Variants in RP1L1 observed in about 807,000 individuals in gnomAD.
RP1L1 encodes the protein retinitis pigmentosa 1-like 1 protein.
Under a neutral mutation model 15.7 loss-of-function variants are expected in RP1L1, and 27 were observed. That is an observed-to-expected ratio of 1.72 (90% CI 1.27 to 2.38). RP1L1 has a LOEUF of 2.38. Among genes scored for constraint, RP1L1 ranks in the 30% most tolerant of loss-of-function variants. RP1L1 has a pLI of 0.00. For missense variants in RP1L1, 4,798 were observed against 3,075.9 expected, an observed-to-expected ratio of 1.56 and a Z score of -13.24; for synonymous variants, 1,813 against 1,276.7, an observed-to-expected ratio of 1.42 and a Z score of -8.96.
chr8:10,620,155 T>C (rs1248250135), intron 2 of RP1L1, among the ~76,000 whole-genome samples: 1 of 152,156 alleles, frequency 6.6e-6, no homozygotes, highest in Non-Finnish European at 1.5e-5. Context: ...CCCAGCAGTT[T>C]TGGTGTCTGC....
rs1167111014 is a variant in RP1L1, at chr8:10,623,270, C to A, written c.-19-50G>T. On this transcript the variant is annotated intron_variant, in intron 1 of 3. Transcript: ENST00000382483. ...GTCAGAGAGCAGCTTGGGGGATTGG[C>A]ATTTCCTGTCTCTTCCCGTCTTTCT... 9 of 1,376,530 alleles carry A rather than the reference C, an allele frequency of 6.5e-6. No homozygotes were observed. The East Asian group carries it at 2.1e-4, about 32-fold the overall frequency. 85.3% of individuals were successfully genotyped at this position (1,376,530 alleles called of 1,614,324 possible).
intron 1 of RP1L1, among the ~76,000 whole-genome samples, chr8:10,629,141 C>T (rs1469520281): frequency 6.6e-6 from 1 of 152,180 alleles, no homozygotes; most frequent in Non-Finnish European, 1.5e-5. Flanking sequence ...GATAATAAAA[C>T]CCAGGACAGG....
chr8:10,609,018 G>C lies in RP1L1; in HGVS notation c.5080C>G (p.Gln1694Glu). The part of the protein sequence containing the change: ...KEAFDLQQIL[Q>E]RKRGEHTDGE... The stretch of plus-strand genomic sequence containing the variant: ...TCAGTGTGTTCTCCCCTCTTCCTCT[G>C]CAGAATCTGCTGCAGGTCAAAGGCC... The change falls in exon 4 of 4, where the codon CAG becomes GAG. Residue 1694 changes from glutamine (Q) to glutamate (E), a missense_variant. Physicochemically the swap from Gln to Glu is conservative, Grantham distance 29. Transcript: ENST00000382483. 1.2e-6 allele frequency: 2 copies of C among 1,613,500 alleles called. No individual in the cohort carries two copies. Among genetic ancestry groups the C allele is most frequent in the Middle Eastern group, 3.3e-4 (2 of 6,060 alleles).
intron 2 of RP1L1, among the ~76,000 whole-genome samples, chr8:10,618,858 T>TTTTG (rs976760535): frequency 2.5e-4 from 38 of 152,048 alleles, no homozygotes; most frequent in African/African-American, 3.4e-4. Context: ...TTTCGTGTTT[T>TTTTG]TTTGTTTGTT....
In RP1L1 at chr8:10,606,621, A is replaced by C; in HGVS notation, c.*274T>G. ...CATCTTTCGGGCTCTGCAGACAAAT[A>C]AATAGGAGCCGGGCTGACCTCCGAT... On this transcript the variant is annotated 3_prime_UTR_variant, in exon 4 of 4. Transcript: ENST00000382483. 2.0e-6 allele frequency: 1 copy of C among 497,086 alleles called. No individual in the cohort carries two copies. The highest frequency in any genetic ancestry group is 3.8e-5 in the East Asian group (1 of 26,326). 30.8% of individuals were successfully genotyped at this position (497,086 alleles called of 1,614,324 possible).
chr8:10,607,492 T>G lies in RP1L1; in HGVS notation c.6606A>C (p.Glu2202Asp). 1.9e-6 allele frequency: 3 copies of G among 1,609,558 alleles called. No homozygotes were observed. The highest frequency in any genetic ancestry group is 2.5e-6 in the Non-Finnish European group (3 of 1,177,002). The change falls in exon 4 of 4, where the codon GAA becomes GAC. Residue 2202 changes from glutamate (E) to aspartate (D), a missense_variant. Physicochemically the swap from Glu to Asp is conservative, Grantham distance 45. Transcript: ENST00000382483. ...ESEGIEAPEA[E>D]GEAQPELEGV... ...CTTCTAACTCTGGTTGGGCCTCCCC[T>G]TCTGCCTCTGGGGCCTCTATACCTT...
At position 10,649,679 on chromosome 8, in the gene RP1L1, G is replaced by C. The variant is rs746705538; in HGVS notation, c.-20+5219C>G. 6.5e-4 allele frequency among the ~76,000 whole-genome samples: 99 copies of C among 152,334 alleles called. 2 individuals carry two copies. Among genetic ancestry groups the C allele is most frequent in the Middle Eastern group, 6.8e-3 (2 of 294 alleles). On this transcript the variant is annotated intron_variant, in intron 1 of 3. Transcript: ENST00000382483. ...GGATCACTTGAGAGCAGGAGTACGA[G>C]ACCAGCCTGGACAACATGGTGAAAC...
At chr8:10,634,742 C>A (rs1399792794) in intron 1 of RP1L1, among the ~76,000 whole-genome samples, 1 of 152,100 alleles carries the variant, frequency 6.6e-6, no homozygotes, top group African/African-American at 2.4e-5. Flanking sequence ...ATTTCAGGAG[C>A]CCCCACACAG....
intron 1 of RP1L1, among the ~76,000 whole-genome samples, chr8:10,640,284 A>G (rs1224768242): frequency 6.6e-6 from 1 of 152,244 alleles, no homozygotes; most frequent in African/African-American, 2.4e-5. Flanking sequence ...TACATAAGTG[A>G]ATTTCCCAGG....
chr8:10,610,387 C>A lies in RP1L1; in HGVS notation c.3711G>T (p.Gln1237His). The change falls in exon 4 of 4, where the codon CAG becomes CAT. Residue 1237 changes from glutamine to histidine, a missense_variant. Physicochemically the swap from Gln to His is conservative, Grantham distance 24. Coordinates refer to ENST00000382483, the MANE Select transcript of RP1L1 (RefSeq NM_178857.6). ...TCTCATAAGTTCTTGAATCAGGCCT[C>A]TGGTTGGAGGTTTTCAGGGGCAGCT... The part of the protein sequence containing the change: ...GTELPLKTSN[Q>H]RPDSRTYESP... 1.9e-6 allele frequency: 3 copies of A among 1,614,094 alleles called. No homozygotes were observed. The highest frequency in any genetic ancestry group is 2.5e-6 in the Non-Finnish European group (3 of 1,180,042).
intron 1 of RP1L1, among the ~76,000 whole-genome samples, chr8:10,631,409 A>C (rs28528883): frequency 1.3e-5 from 2 of 149,620 alleles, no homozygotes; most frequent in Non-Finnish European, 3.0e-5. Context: ...ACACACACGC[A>C]CACACGCACA....
chr8:10,613,600 C>CAAAAAAAAAAA (rs71203341), intron 3 of RP1L1, among the ~76,000 whole-genome samples: 5 of 62,376 alleles, frequency 8.0e-5, no homozygotes, highest in Non-Finnish European at 1.1e-4. Context: ...ACCATCTCTC[C>CAAAAAAAAAAA]AAAAAAAAAA....
chr8:10,606,727 T>C lies in RP1L1; in HGVS notation c.*168A>G. ...CAGAGCTCTCTGACACTTCTGGACT[T>C]AAGAGTCCCAGGACAGCATGGCATG... On this transcript the variant is annotated 3_prime_UTR_variant, in exon 4 of 4. Transcript: ENST00000382483. 8.6e-7 allele frequency: 1 copy of C among 1,161,502 alleles called. No individual in the cohort carries two copies. Among genetic ancestry groups the C allele is most frequent in the Non-Finnish European group, 1.2e-6 (1 of 841,154 alleles). 71.9% of individuals were successfully genotyped at this position (1,161,502 alleles called of 1,614,324 possible).
Position 10,623,171 on chromosome 8 carries a change from G to GGGCCT in RP1L1, c.26_30dup (p.Pro11ArgfsTer148). ...GGCAGGAAGCACTCACGGTGGCTCG[G>GGGCCT]GGCCTGGGCATTCCTGGGGGTGCTG... On this transcript the variant is annotated frameshift_variant, in exon 2 of 4. Coordinates refer to ENST00000382483, the MANE Select transcript of RP1L1 (RefSeq NM_178857.6). LOFTEE classifies it high-confidence loss of function. 6.3e-7 allele frequency: 1 copy of GGGCCT among 1,579,118 alleles called. No individual in the cohort carries two copies. The highest frequency in any genetic ancestry group is 8.6e-7 in the Non-Finnish European group (1 of 1,161,436).
chr8:10,642,919 A>G (rs1043876607), intron 1 of RP1L1, among the ~76,000 whole-genome samples: 8 of 152,244 alleles, frequency 5.3e-5, no homozygotes, highest in Non-Finnish European at 1.0e-4. Context: ...AGATCATAAG[A>G]TGATTTTAAG....
At position 10,607,058 on chromosome 8, in the gene RP1L1, C is replaced by A. The variant is rs751335273; in HGVS notation, c.7040G>T (p.Ser2347Ile). ...GGCCTCTTCTTGCTCAGAAGTAGAA[C>A]TTTCTGGGTACATCCTGGTGGCCTT... is the stretch of plus-strand genomic sequence containing the variant. ...ERKATRMYPE[S>I]STSEQEEAPL... Residue 2347 changes from serine to isoleucine, a missense_variant, in exon 4 of 4, where the codon AGT becomes ATT. By Grantham distance (142) the Ser-to-Ile change is moderately radical (BLOSUM62 -2). Coordinates refer to ENST00000382483, the MANE Select transcript of RP1L1 (RefSeq NM_178857.6). The A allele has an allele frequency of 1.2e-6, 2 of 1,614,220 alleles. No individual in the cohort carries two copies. The highest frequency in any genetic ancestry group is 2.2e-5 in the East Asian group (1 of 44,874).
chr8:10,626,657 G>C (rs1214921654), intron 1 of RP1L1, among the ~76,000 whole-genome samples: 1 of 152,194 alleles, frequency 6.6e-6, no homozygotes, highest in Non-Finnish European at 1.5e-5. Context: ...AGTGACAAAT[G>C]AAGACAAAGA....
Position 10,606,752 on chromosome 8 carries a change from G to T in RP1L1, c.*143C>A. On this transcript the variant is annotated 3_prime_UTR_variant, in exon 4 of 4. Coordinates refer to ENST00000382483, the MANE Select transcript of RP1L1 (RefSeq NM_178857.6). ...TAAGAGTCCCAGGACAGCATGGCATGGGCTGTGTCCTTGGCAAGTCCTTGG... is the reference window on the plus strand; with the variant it reads ...TAAGAGTCCCAGGACAGCATGGCATTGGCTGTGTCCTTGGCAAGTCCTTGG... 1 of 1,369,936 alleles carries T rather than the reference G, an allele frequency of 7.3e-7. No individual in the cohort carries two copies. Among genetic ancestry groups the T allele is most frequent in the East Asian group, 2.4e-5 (1 of 41,044 alleles). The allele number at this position is 1,369,936 out of a possible 1,614,324, so 84.9% of individuals were successfully genotyped here.
intron 1 of RP1L1, among the ~76,000 whole-genome samples, chr8:10,635,149 T>G (rs1224561836): frequency 6.6e-6 from 1 of 152,196 alleles, no homozygotes; most frequent in Non-Finnish European, 1.5e-5. Flanking sequence ...TCATCTGATC[T>G]TGCCACTGGC....
Sources: allele counts gnomAD v4.1 joint callset (sites outside exome capture counted in the v4.1 genomes callset), GRCh38; gene constraint gnomAD v4.1.1; transcripts MANE v1.5; gene names NCBI Gene and HGNC (gene_info 2026-07-23, HGNC 2026-07-21).